LRRC4C: variants seen among roughly 807,000 people sequenced by gnomAD.
LRRC4C encodes the protein leucine-rich repeat-containing protein 4C.
Under a neutral mutation model 33.6 loss-of-function variants are expected in LRRC4C, and 5 were observed. The observed-to-expected ratio is 0.15, with a 90% CI of 0.08 to 0.31. LRRC4C has a LOEUF of 0.31. Among genes scored for constraint, LRRC4C ranks in the 10% least tolerant of loss-of-function variants. LRRC4C has a pLI of 1.00. For synonymous variants in LRRC4C, 329 were observed against 302.0 expected, an observed-to-expected ratio of 1.09 and a Z score of -0.93; for missense variants, 560 against 796.7, an observed-to-expected ratio of 0.70 and a Z score of 3.58.
At chr11:40,553,895 G>A (rs1292296769) in intron 3 of LRRC4C, among the ~76,000 whole-genome samples, 1 of 151,960 alleles carries the variant, frequency 6.6e-6, no homozygotes, top group East Asian at 1.9e-4. Flanking sequence ...TAGGTTGCCT[G>A]TGTGCTCTGT....
At chr11:41,000,122 G>A (rs376476289) in intron 1 of LRRC4C, among the ~76,000 whole-genome samples, 3 of 152,176 alleles carry the variant, frequency 2.0e-5, no homozygotes, top group Non-Finnish European at 4.4e-5. Context: ...CCCATGCCTC[G>A]CTCATCATCA....
intron 2 of LRRC4C, among the ~76,000 whole-genome samples, chr11:40,890,165 C>T (rs1415981853): frequency 1.3e-5 from 2 of 152,112 alleles, no homozygotes; most frequent in Non-Finnish European, 1.5e-5. Flanking sequence ...AACACATACC[C>T]TGCATATCTT....
At chr11:41,039,875 C>T (rs1335233184) in intron 1 of LRRC4C, among the ~76,000 whole-genome samples, 1 of 152,012 alleles carries the variant, frequency 6.6e-6, no homozygotes, top group Admixed American at 6.6e-5. Context: ...AGCGCGGTGG[C>T]TCACGCCTGT....
intron 2 of LRRC4C, among the ~76,000 whole-genome samples, chr11:40,900,058 G>T (rs185845570): frequency 5.2e-4 from 79 of 152,142 alleles, no homozygotes; most frequent in African/African-American, 1.7e-3. Flanking sequence ...GATATGAAAT[G>T]CTGAGCTTTC....
chr11:40,562,080 C>T (rs767911912), intron 3 of LRRC4C, among the ~76,000 whole-genome samples: 1 of 152,156 alleles, frequency 6.6e-6, no homozygotes, highest in Non-Finnish European at 1.5e-5. Flanking sequence ...ATGTCTTCTG[C>T]CAGTGCTAGA....
intron 2 of LRRC4C, among the ~76,000 whole-genome samples, chr11:40,913,618 T>G (rs927022212): frequency 2.6e-5 from 4 of 152,106 alleles, no homozygotes; most frequent in Non-Finnish European, 5.9e-5. Context: ...ATTGACACCC[T>G]AACATCACTA....
rs563553107 is a variant in LRRC4C, at chr11:40,711,645, T to C, written c.-406-63367A>G. 4.6e-5 allele frequency among the ~76,000 whole-genome samples: 7 copies of C among 151,306 alleles called. No homozygotes were observed. The South Asian group carries it at 1.2e-3, about 27-fold the overall frequency. ...ACTTTTGTACTAGTTTGCTTGATAGTAGATAGACATGACCTGAATAAAGAA... is the reference window on the plus strand; with the variant it reads ...ACTTTTGTACTAGTTTGCTTGATAGCAGATAGACATGACCTGAATAAAGAA... On this transcript the variant is annotated intron_variant, in intron 2 of 6. Coordinates refer to ENST00000528697, the MANE Select transcript of LRRC4C (RefSeq NM_001258419.2).
chr11:40,973,133 T>C (rs1038310045), intron 1 of LRRC4C, among the ~76,000 whole-genome samples: 11 of 152,146 alleles, frequency 7.2e-5, no homozygotes, highest in Admixed American at 6.6e-4. Flanking sequence ...CTATGCTTCC[T>C]GTACAGCCTG....
At position 41,054,933 on chromosome 11, in the gene LRRC4C, A is replaced by C. The variant is rs745882505; in HGVS notation, c.-495-121210T>G. 9.2e-5 allele frequency among the ~76,000 whole-genome samples: 14 copies of C among 152,174 alleles called. 1 individual carries two copies. Among genetic ancestry groups the C allele is most frequent in the Non-Finnish European group, 1.9e-4 (13 of 68,000 alleles). ...TTTCTGTACACCGACTTGTATTGTA[A>C]ATTTATTGACTCATACCATATATAC... On this transcript the variant is annotated intron_variant, in intron 1 of 6. Transcript: ENST00000528697.
At chr11:41,278,172 G>A (rs1949543248) in intron 1 of LRRC4C, among the ~76,000 whole-genome samples, 1 of 152,114 alleles carries the variant, frequency 6.6e-6, no homozygotes. Context: ...AATATGTGAA[G>A]AAAGTGTATA....
chr11:40,120,993 G>A (rs1855781430), intron 6 of LRRC4C, among the ~76,000 whole-genome samples: 1 of 152,132 alleles, frequency 6.6e-6, no homozygotes, highest in African/African-American at 2.4e-5. Context: ...ACTGTGTTAT[G>A]TAAAGTTACT....
intron 2 of LRRC4C, among the ~76,000 whole-genome samples, chr11:40,676,170 T>C (rs956041124): frequency 2.0e-4 from 30 of 152,178 alleles, no homozygotes; most frequent in Non-Finnish European, 3.5e-4. Flanking sequence ...GCCAACTAGA[T>C]GATGAAGACT....
At chr11:40,248,423 C>G (rs897283772) in intron 4 of LRRC4C, among the ~76,000 whole-genome samples, 4 of 152,132 alleles carry the variant, frequency 2.6e-5, no homozygotes, top group African/African-American at 9.7e-5. Context: ...TCCATGGTCT[C>G]CCTCCACTGG....
At chr11:40,227,554 G>A (rs1864898524) in intron 5 of LRRC4C, among the ~76,000 whole-genome samples, 1 of 152,156 alleles carries the variant, frequency 6.6e-6, no homozygotes, top group Non-Finnish European at 1.5e-5. Context: ...GAGGGAAAGG[G>A]AAACACAGGG....
chr11:40,709,391 G>A (rs1318510521), intron 2 of LRRC4C, among the ~76,000 whole-genome samples: 1 of 152,080 alleles, frequency 6.6e-6, no homozygotes, highest in African/African-American at 2.4e-5. Context: ...CTCTTGTAAG[G>A]CAGGCCTGGT....
At chr11:40,545,525 G>A (rs1378720622) in intron 3 of LRRC4C, among the ~76,000 whole-genome samples, 1 of 151,884 alleles carries the variant, frequency 6.6e-6, no homozygotes, top group Admixed American at 6.6e-5. Context: ...ATAGGTTAAG[G>A]GAACGCAGTT....
chr11:40,707,275 C>A (rs1037252341), intron 2 of LRRC4C, among the ~76,000 whole-genome samples: 3 of 152,156 alleles, frequency 2.0e-5, no homozygotes. Flanking sequence ...GGGAGGGCAT[C>A]CCTGTCTTGC....
chr11:40,255,993 G>A (rs1309525592), intron 4 of LRRC4C, among the ~76,000 whole-genome samples: 1 of 152,140 alleles, frequency 6.6e-6, no homozygotes, highest in Non-Finnish European at 1.5e-5. Context: ...CATTCCTTAA[G>A]CACCATTCTA....
chr11:40,463,041 C>T (rs1952477580), intron 3 of LRRC4C, among the ~76,000 whole-genome samples: 1 of 152,076 alleles, frequency 6.6e-6, no homozygotes, highest in African/African-American at 2.4e-5. Context: ...TCTCTGCTGG[C>T]TTCAATTAGC....
Sources: allele counts gnomAD v4.1 joint callset (sites outside exome capture counted in the v4.1 genomes callset), GRCh38; gene constraint gnomAD v4.1.1; transcripts MANE v1.5; gene names NCBI Gene and HGNC (gene_info 2026-07-23, HGNC 2026-07-21).